The following LRRC17 variants were observed in gnomAD, a reference collection of about 807,000 sequenced individuals.
LRRC17 encodes the protein leucine rich repeat containing 17.
In LRRC17, 33 loss-of-function variants were observed where a neutral mutation model predicts 41.5. The ratio of observed to expected loss-of-function variants is 0.80; its 90% confidence interval spans 0.60 to 1.06. The LOEUF is 1.06. Among genes scored for constraint, LRRC17 ranks in the 50% least tolerant of loss-of-function variants. LRRC17 has a pLI of 0.00. For synonymous variants in LRRC17, 192 were observed against 197.0 expected (o/e 0.97, Z 0.21); for missense variants, 491 against 519.3 (o/e 0.95, Z 0.53).
At position 102,934,642 on chromosome 7, in the gene LRRC17, C is replaced by T. The variant is rs150294157; in HGVS notation, c.729C>T (p.His243=). Residue 243 remains histidine (H), a synonymous_variant, in exon 2 of 4, where the codon CAC becomes CAT. Coordinates refer to ENST00000339431, the MANE Select transcript of LRRC17 (RefSeq NM_001031692.3). ...IKPEVDSTFC[H]NYVFPIQTLD... ...CTGAGGTGGACTCAACTTTTTGCCA[C>T]AATTATGTGTTTCCCATACAAACAC... 1.7e-5 allele frequency: 28 copies of T among 1,606,110 alleles called. No homozygotes were observed. In the East Asian group the frequency reaches 5.8e-4, roughly 33 times the overall value.
chr7:102,933,291 G>A (rs2056584), intron 1 of LRRC17: 150,066 of 150,174 alleles, frequency 1, 74,979 homozygotes, highest in Middle Eastern at 1. Flanking sequence ...AAAAAAAAAA[G>A]GCTCAGGAAG....
chr7:102,942,364 G>T, intron 3 of LRRC17: 1 of 1,533,962 alleles, frequency 6.5e-7, no homozygotes, highest in Non-Finnish European at 8.8e-7. Flanking sequence ...AATGCAGTGG[G>T]AGTTGCCAGA....
At chr7:102,935,229 TTTTTTTTTCTTTC>T (rs1276450374) in intron 2 of LRRC17, among the ~76,000 whole-genome samples, 1 of 141,394 alleles carries the variant, frequency 7.1e-6, no homozygotes, top group African/African-American at 2.5e-5. Context: ...CATGCTCCTT[TTTTTTTTTCTTTC>T]TTTTTTTTTT....
chr7:102,935,236 T>C (rs1415922008), intron 2 of LRRC17, among the ~76,000 whole-genome samples: 2 of 129,114 alleles, frequency 1.5e-5, no homozygotes, highest in Admixed American at 1.0e-4. Context: ...CTTTTTTTTT[T>C]TCTTTCTTTT....
At chr7:102,922,956 C>T (rs940944868) in intron 1 of LRRC17, among the ~76,000 whole-genome samples, 7 of 151,498 alleles carry the variant, frequency 4.6e-5, no homozygotes, top group South Asian at 4.2e-4. Flanking sequence ...CCAGCCTGGG[C>T]GACAGAGCGA....
At chr7:102,936,902 T>C (rs1295568416) in intron 2 of LRRC17, among the ~76,000 whole-genome samples, 1 of 149,668 alleles carries the variant, frequency 6.7e-6, no homozygotes, top group Non-Finnish European at 1.5e-5. Context: ...AATGAGCCTA[T>C]TTCTGCTTTT....
intron 1 of LRRC17, among the ~76,000 whole-genome samples, chr7:102,923,841 T>TA (rs1365774627): frequency 6.6e-6 from 1 of 151,662 alleles, no homozygotes; most frequent in Non-Finnish European, 1.5e-5. Context: ...AATAAATAAA[T>TA]AAAAAGAATT....
chr7:102,931,513 CAT>C (rs1819167543), intron 1 of LRRC17, among the ~76,000 whole-genome samples: 4 of 152,074 alleles, frequency 2.6e-5, no homozygotes, highest in Admixed American at 1.3e-4. Context: ...ACTAGGGAAA[CAT>C]ATTCATTTCC....
chr7:102,925,713 G>A (rs1458798606), intron 1 of LRRC17, among the ~76,000 whole-genome samples: 4 of 152,168 alleles, frequency 2.6e-5, no homozygotes, highest in Admixed American at 6.5e-5. Context: ...AGGCCCAGGC[G>A]GGCAGATCAC....
chr7:102,940,635 G>C (rs1454146046), intron 3 of LRRC17, among the ~76,000 whole-genome samples: 1 of 152,176 alleles, frequency 6.6e-6, no homozygotes, highest in Non-Finnish European at 1.5e-5. Flanking sequence ...AGGATAAAAT[G>C]TGCTCAAACC....
At chr7:102,913,351 A>G in intron 1 of LRRC17, 1 of 1,021,388 alleles carries the variant, frequency 9.8e-7, no homozygotes, top group Non-Finnish European at 1.4e-6. Flanking sequence ...CTTTACTGTT[A>G]ACTCTCTACC....
chr7:102,917,176 A>T (rs901683425), intron 1 of LRRC17, among the ~76,000 whole-genome samples: 5 of 152,228 alleles, frequency 3.3e-5, no homozygotes, highest in African/African-American at 1.2e-4. Context: ...CCTTCTATTT[A>T]CAGGGTAGAC....
intron 3 of LRRC17, among the ~76,000 whole-genome samples, chr7:102,941,095 A>T (rs1225485463): frequency 6.6e-6 from 1 of 152,240 alleles, no homozygotes; most frequent in Non-Finnish European, 1.5e-5. Flanking sequence ...ATAATTTTTT[A>T]AAATTTCCCA....
intron 3 of LRRC17, among the ~76,000 whole-genome samples, chr7:102,943,335 C>G (rs62484949): frequency 7.2e-5 from 1 of 13,862 alleles, no homozygotes; most frequent in Admixed American, 1.4e-3. Context: ...CAAGTAAATA[C>G]CAAAAAAAAA....
At chr7:102,924,856 C>G (rs548624069) in intron 1 of LRRC17, among the ~76,000 whole-genome samples, 1 of 151,970 alleles carries the variant, frequency 6.6e-6, no homozygotes, top group South Asian at 2.1e-4. Context: ...GTCTCAATCT[C>G]CTGACCTCAT....
At chr7:102,932,701 C>T (rs1332291723) in intron 1 of LRRC17, among the ~76,000 whole-genome samples, 3 of 152,118 alleles carry the variant, frequency 2.0e-5, no homozygotes, top group Admixed American at 1.3e-4. Context: ...CTCAGGCGAT[C>T]CTTTCACTTC....
chr7:102,931,940 C>T (rs748523995), intron 1 of LRRC17: 2 of 1,613,100 alleles, frequency 1.2e-6, no homozygotes, highest in South Asian at 1.1e-5. Flanking sequence ...TGGCCTAAAT[C>T]AAATAAGTTA....
rs746300958 is a variant in LRRC17, at chr7:102,939,365, T to A, written c.773-65T>A. The stretch of plus-strand genomic sequence containing the variant: ...AGCTGATTCTTCAATCACACAGATA[T>A]AACGGTGACCGAGGAAATGGGGGCA... On this transcript the variant is annotated intron_variant, in intron 2 of 3. Coordinates refer to ENST00000339431, the MANE Select transcript of LRRC17 (RefSeq NM_001031692.3). 4 of 1,374,640 alleles carry A rather than the reference T, an allele frequency of 2.9e-6. No homozygotes were observed. In the African/African-American group the frequency reaches 5.8e-5, roughly 20 times the overall value. 85.2% of individuals were successfully genotyped at this position (1,374,640 alleles called of 1,614,324 possible).
In LRRC17 at chr7:102,926,200, C is replaced by A. The variant is rs1818098558; in HGVS notation, c.-140-7574C>A. 6.2e-6 allele frequency: 8 copies of A among 1,291,522 alleles called. 1 individual carries two copies. The Admixed American group carries it at 1.7e-4, about 27-fold the overall frequency. The allele number at this position is 1,291,522 out of a possible 1,614,324, so 80.0% of individuals were successfully genotyped here. A position where few individuals can be genotyped will look rare whatever the true frequency, so the allele number is the denominator to read the frequency against. On this transcript the variant is annotated intron_variant, in intron 1 of 3. Coordinates refer to ENST00000339431, the MANE Select transcript of LRRC17 (RefSeq NM_001031692.3). ...GTTGATAAAGGGAGCACTGCCCTTGCAGAATGCTAGAGCAAGCCAGAGACT... is the reference window on the plus strand; with the variant it reads ...GTTGATAAAGGGAGCACTGCCCTTGAAGAATGCTAGAGCAAGCCAGAGACT...
Sources: gnomAD v4.1 joint callset for allele counts (sites outside exome capture counted in the v4.1 genomes callset) on GRCh38, gnomAD v4.1.1 for gene constraint, MANE v1.5 for transcripts, NCBI Gene and HGNC (gene_info 2026-07-23, HGNC 2026-07-21) for gene names.